Variants in TMEM120B observed in about 807,000 individuals in gnomAD.
The protein encoded by TMEM120B is transmembrane protein 120B.
A neutral mutation model predicts 55.5 loss-of-function variants in TMEM120B; 31 were observed. The ratio of observed to expected loss-of-function variants is 0.56; its 90% CI spans 0.42 to 0.75. The LOEUF (loss-of-function observed/expected upper bound fraction) is 0.75, where lower values mean the gene tolerates loss of function less well. Ranked by LOEUF, TMEM120B falls within the 30% of genes least tolerant of loss-of-function variation. TMEM120B has a pLI of 0.00. For synonymous variants in TMEM120B, 203 were observed against 176.3 expected (o/e 1.15, Z -1.20); for missense variants, 399 against 425.5 (o/e 0.94, Z 0.55).
In TMEM120B at chr12:121,775,577, C is replaced by G. The variant is rs1210523358; in HGVS notation, c.907-32C>G. 1 of 1,597,094 alleles carries G rather than the reference C, an allele frequency of 6.3e-7. No individual in the cohort carries two copies. Among genetic ancestry groups the G allele is most frequent in the Admixed American group, 1.7e-5 (1 of 59,148 alleles). On this transcript the variant is annotated intron_variant, in intron 11 of 11. Transcript: ENST00000449592. The surrounding 1 kb of genome is among the most constrained non-coding windows in gnomAD (Gnocchi z 4.3). The stretch of plus-strand genomic sequence containing the variant: ...GCAGGGGTTCAGCAGGGCAGATGCC[C>G]CAGCCTCGCCCTCCTCTCTGGACTC...
At chr12:121,725,017 C>T (rs1894867125) in intron 1 of TMEM120B, among the ~76,000 whole-genome samples, 1 of 152,162 alleles carries the variant, frequency 6.6e-6, no homozygotes, top group African/African-American at 2.4e-5. Context: ...AAGTAGTGTA[C>T]TATGATTGTA....
chr12:121,724,243 G>A (rs1339767808), intron 1 of TMEM120B, among the ~76,000 whole-genome samples: 1 of 151,630 alleles, frequency 6.6e-6, no homozygotes, highest in African/African-American at 2.4e-5. Context: ...CACTATGTTG[G>A]CCAGACTGGT....
At chr12:121,737,950 C>T (rs1007513106) in intron 1 of TMEM120B, among the ~76,000 whole-genome samples, 1 of 146,052 alleles carries the variant, frequency 6.8e-6, no homozygotes, top group African/African-American at 2.6e-5. Flanking sequence ...GTGGAGCATA[C>T]AGTGACCTGA....
At position 121,729,639 on chromosome 12, in the gene TMEM120B, G is replaced by GA. The variant is rs780158144; in HGVS notation, c.70-13976dup. On this transcript the variant is annotated intron_variant, in intron 1 of 11. Coordinates refer to ENST00000449592, the MANE Select transcript of TMEM120B (RefSeq NM_001080825.2). ...TGGGCAACATAGACCATCTCTACAA[G>GA]AAAAAAAAAAAAAAGCTGACAGGGT... 4.7e-3 allele frequency among the ~76,000 whole-genome samples: 621 copies of GA among 132,122 alleles called. 3 individuals carry two copies. Among genetic ancestry groups the GA allele is most frequent in the African/African-American group, 0.012 (437 of 36,710 alleles). 86.7% of individuals were successfully genotyped at this position (132,122 alleles called of 152,430 possible). A position where few individuals can be genotyped will look rare whatever the true frequency, so the allele number is the denominator to read the frequency against.
In TMEM120B at chr12:121,776,701, C is replaced by G. The variant is rs554929573; in HGVS notation, c.*979C>G. Reference sequence around the variant, plus strand: ...CATTCATATATGGGCCTCAGCTCCCCCTAACTGTGGCCCTACAAATCCCTA... The same window carrying G: ...CATTCATATATGGGCCTCAGCTCCCGCTAACTGTGGCCCTACAAATCCCTA... On this transcript the variant is annotated 3_prime_UTR_variant, in exon 12 of 12. Transcript: ENST00000449592. 2.6e-5 allele frequency: 4 copies of G among 152,410 alleles called. No homozygotes were observed. In the East Asian group the frequency reaches 7.7e-4, roughly 29 times the overall value. The allele number at this position is 152,410 out of a possible 1,614,324, so 9.4% of individuals were successfully genotyped here.
chr12:121,744,212 C>T (rs1234208176), intron 2 of TMEM120B, among the ~76,000 whole-genome samples: 1 of 152,184 alleles, frequency 6.6e-6, no homozygotes, highest in African/African-American at 2.4e-5. Flanking sequence ...GCATGAGCCA[C>T]TGTGCCTGGC....
chr12:121,722,507 G>A (rs1393745923), intron 1 of TMEM120B, among the ~76,000 whole-genome samples: 4 of 152,148 alleles, frequency 2.6e-5, no homozygotes, highest in African/African-American at 4.8e-5. Flanking sequence ...CTGAACGTCC[G>A]TGGGAATGGA....
Position 121,779,318 on chromosome 12 carries a change from G to T in TMEM120B, c.*3596G>T. On this transcript the variant is annotated 3_prime_UTR_variant, in exon 12 of 12. Transcript: ENST00000449592. The stretch of plus-strand genomic sequence containing the variant: ...ACCATGTCCCAGGGGCAGCCTGGAG[G>T]GGAGTTTGTGGTCAGAGCCCCAGCC... 1 of 659,354 alleles carries T rather than the reference G, an allele frequency of 1.5e-6. No individual in the cohort carries two copies. Among genetic ancestry groups the T allele is most frequent in the East Asian group, 2.8e-5 (1 of 36,288 alleles). 40.8% of individuals were successfully genotyped at this position (659,354 alleles called of 1,614,324 possible). A position where few individuals can be genotyped will look rare whatever the true frequency, so the allele number is the denominator to read the frequency against.
intron 1 of TMEM120B, among the ~76,000 whole-genome samples, chr12:121,727,113 A>T (rs1894911327): frequency 6.6e-6 from 1 of 152,092 alleles, no homozygotes; most frequent in Non-Finnish European, 1.5e-5. Context: ...AAAATGCTTT[A>T]GTTTCTCCGT....
chr12:121,754,485 G>A lies in TMEM120B; in HGVS notation c.461+2262G>A, dbSNP rs73411773. On this transcript the variant is annotated intron_variant, in intron 5 of 11. Coordinates refer to ENST00000449592, the MANE Select transcript of TMEM120B (RefSeq NM_001080825.2). ...TTTTCCCACAGTTCTGGAAGCCGGC[G>A]GTCTGAAAGCAGGGCGTGGCAGGGC... Among the ~76,000 whole-genome samples, 1,331 of 152,330 alleles carry A rather than the reference G, an allele frequency of 8.7e-3. 26 individuals carry two copies. Among genetic ancestry groups the A allele is most frequent in the African/African-American group, 0.031 (1,268 of 41,566 alleles).
Position 121,770,946 on chromosome 12 carries a change from A to AT in TMEM120B, c.593dup (p.Leu199ProfsTer10). 1.2e-6 allele frequency: 2 copies of AT among 1,613,988 alleles called. No individual in the cohort carries two copies. The highest frequency in any genetic ancestry group is 1.7e-6 in the Non-Finnish European group (2 of 1,179,966). ...GGGTGTCTCACCACTACGTCTCCAC[A>AT]TTCCTGTCCGGAGTGATGCTGACCT... On this transcript the variant is annotated frameshift_variant, in exon 7 of 12. Transcript: ENST00000449592. LOFTEE classifies it high-confidence loss of function.
chr12:121,720,544 C>G (rs1379188387), intron 1 of TMEM120B, among the ~76,000 whole-genome samples: 1 of 152,036 alleles, frequency 6.6e-6, no homozygotes, highest in Non-Finnish European at 1.5e-5. Context: ...ACCCCTGTCT[C>G]TACAAAAAAT....
intron 1 of TMEM120B, among the ~76,000 whole-genome samples, chr12:121,739,150 G>A (rs1483091304): frequency 6.6e-6 from 1 of 152,252 alleles, no homozygotes; most frequent in East Asian, 1.9e-4. Flanking sequence ...TCGCACCACT[G>A]TACTCTGGCC....
At chr12:121,730,156 G>A (rs181074761) in intron 1 of TMEM120B, among the ~76,000 whole-genome samples, 188 of 151,544 alleles carry the variant, frequency 1.2e-3, no homozygotes, top group African/African-American at 4.5e-3. Flanking sequence ...CTACTCAAGA[G>A]GCTGAGGAAG....
In TMEM120B at chr12:121,781,078, C is replaced by T. The variant is rs763578268; in HGVS notation, c.*5356C>T. On this transcript the variant is annotated 3_prime_UTR_variant, in exon 12 of 12. Coordinates refer to ENST00000449592, the MANE Select transcript of TMEM120B (RefSeq NM_001080825.2). ...TGGGGCCACCACCCAGGAGGCCGGC[C>T]TCACCTTGATGAGGACGTTGTCGTA... 3.7e-6 allele frequency: 6 copies of T among 1,614,186 alleles called. No individual in the cohort carries two copies. Among genetic ancestry groups the T allele is most frequent in the Non-Finnish European group, 3.4e-6 (4 of 1,180,002 alleles).
rs1211854038 is a variant in TMEM120B at position 121,779,218 on chromosome 12, T to C, written c.*3496T>C. ...ACTTGAGTCTGCACTGGGGAGACAC[T>C]CGTGGTGGGGGTGGCTGTGATGAGG... On this transcript the variant is annotated 3_prime_UTR_variant, in exon 12 of 12. Transcript: ENST00000449592. 1 of 492,386 alleles carries C rather than the reference T, an allele frequency of 2.0e-6. No homozygotes were observed. Among genetic ancestry groups the C allele is most frequent in the African/African-American group, 1.9e-5 (1 of 51,980 alleles). 30.5% of individuals were successfully genotyped at this position (492,386 alleles called of 1,614,324 possible).
intron 1 of TMEM120B, among the ~76,000 whole-genome samples, chr12:121,738,552 G>C (rs1244808350): frequency 1.3e-5 from 2 of 152,092 alleles, no homozygotes; most frequent in African/African-American, 4.8e-5. Context: ...CTCCTTGTCT[G>C]GGTTCATTAC....
At chr12:121,721,552 A>G (rs1592922849) in intron 1 of TMEM120B, among the ~76,000 whole-genome samples, 1 of 150,298 alleles carries the variant, frequency 6.7e-6, no homozygotes. Context: ...GCTCACTGCA[A>G]CCTCCGCCTT....
At chr12:121,732,706 G>A (rs1379536112) in intron 1 of TMEM120B, among the ~76,000 whole-genome samples, 6 of 151,916 alleles carry the variant, frequency 3.9e-5, no homozygotes, top group African/African-American at 1.5e-4. Flanking sequence ...AAGGCCGGAC[G>A]CGGTGGCTCA....
Sources: allele counts gnomAD v4.1 joint callset (sites outside exome capture counted in the v4.1 genomes callset), GRCh38; gene constraint gnomAD v4.1.1; non-coding constraint Gnocchi (gnomAD v3.1); transcripts MANE v1.5; gene names NCBI Gene and HGNC (gene_info 2026-07-23, HGNC 2026-07-21).